Variants in DOCK11 observed in about 807,000 individuals in gnomAD.
DOCK11 encodes dedicator of cytokinesis 11.
Under a neutral mutation model 169.1 loss-of-function variants are expected in DOCK11, and 70 were observed. The observed-to-expected ratio is 0.41, with a 90% CI of 0.34 to 0.51. The LOEUF (loss-of-function observed/expected upper bound fraction) is 0.51. Ranked by LOEUF, DOCK11 falls within the 20% of genes least tolerant of loss-of-function variation. The probability of loss-of-function intolerance (pLI) is 0.10; values close to 1 mark genes in which losing one functional copy is unlikely to be tolerated. For missense variants in DOCK11, 1,166 were observed against 1,538.8 expected, an observed-to-expected ratio of 0.76 and a Z score of 4.05; for synonymous variants, 529 against 541.3, an observed-to-expected ratio of 0.98 and a Z score of 0.32.
At chrX:118,540,782 A>T (rs1161969371) in intron 1 of DOCK11, among the ~76,000 whole-genome samples, 4 of 112,135 alleles carry the variant, frequency 3.6e-5, no homozygotes, top group Non-Finnish European at 5.6e-5. Flanking sequence ...GATACTAGAG[A>T]CTACCTCAAA....
At chrX:118,496,157 G>T (rs2057535215) in intron 1 of DOCK11, 84 bp downstream of exon 1, 1 of 670,968 alleles carries the variant, frequency 1.5e-6, no homozygotes, top group Non-Finnish European at 1.9e-6. Flanking sequence ...GCGCCAGTGC[G>T]GCCGCTTGGT....
chrX:118,554,798 A>G (rs2012625729), intron 6 of DOCK11, among the ~76,000 whole-genome samples: 1 of 111,233 alleles, frequency 9.0e-6, no homozygotes, highest in African/African-American at 3.3e-5. Flanking sequence ...TGGGAGATGA[A>G]GTTGATTTGG....
intron 37 of DOCK11, 152 bp from the exon 38 acceptor site, chrX:118,639,283 A>G (rs2015463918): frequency 1.4e-5 from 7 of 514,606 alleles, no homozygotes; most frequent in Non-Finnish European, 2.1e-5. Context: ...AAGATACATT[A>G]AAACTTCATC....
rs149752909 is a variant in DOCK11, at chrX:118,605,272, A to G, written c.2597A>G (p.Gln866Arg). 8,148 of 1,195,306 alleles carry G rather than the reference A, an allele frequency of 6.8e-3. 27 individuals are homozygous for G. The highest frequency in any genetic ancestry group is 7.9e-3 in the Non-Finnish European group (7,000 of 889,132). Residue 866 changes from glutamine (Q) to arginine (R), a missense_variant, in exon 24 of 53, where the codon CAG (glutamine) becomes CGG (arginine). By Grantham distance (43) the Gln-to-Arg change is conservative. Coordinates refer to ENST00000276202, the MANE Select transcript of DOCK11 (RefSeq NM_144658.4). ...LHAMEIQVMI[Q>R]FLPVILMQLF... ...GCCATGGAGATCCAAGTCATGATAC[A>G]GTTTCTACCTGTAATTCTTATGCAA... is the stretch of plus-strand genomic sequence containing the variant.
At chrX:118,532,047 G>T (rs962253769) in intron 1 of DOCK11, among the ~76,000 whole-genome samples, 4 of 109,417 alleles carry the variant, frequency 3.7e-5, no homozygotes, top group African/African-American at 1.3e-4. Context: ...GAAGGGAATT[G>T]GCTTAAAGAA....
intron 36 of DOCK11, among the ~76,000 whole-genome samples, chrX:118,637,577 T>C (rs1392358447): frequency 9.0e-6 from 1 of 110,501 alleles, no homozygotes; most frequent in Non-Finnish European, 1.9e-5. Flanking sequence ...CTGGGCAACA[T>C]AGTGAGACCT....
At chrX:118,640,383 A>C (rs770181173) in intron 38 of DOCK11, among the ~76,000 whole-genome samples, 2 of 112,606 alleles carry the variant, frequency 1.8e-5, no homozygotes, top group African/African-American at 6.4e-5. Flanking sequence ...TAATAGACTC[A>C]GGACCTTTAA....
At chrX:118,500,373 G>C (rs968685240) in intron 1 of DOCK11, among the ~76,000 whole-genome samples, 9 of 111,240 alleles carry the variant, frequency 8.1e-5, no homozygotes, top group African/African-American at 2.9e-4. Context: ...CATGCCAAAT[G>C]CTTGTTTATT....
intron 1 of DOCK11, among the ~76,000 whole-genome samples, chrX:118,519,544 A>G (rs1393457821): frequency 8.9e-6 from 1 of 111,909 alleles, no homozygotes; most frequent in African/African-American, 3.2e-5. Context: ...GTCTCAAAAC[A>G]GAAAAGAAAT....
chrX:118,647,609 T>C (rs1167437097), intron 40 of DOCK11, among the ~76,000 whole-genome samples: 2 of 65,390 alleles, frequency 3.1e-5, no homozygotes, highest in Non-Finnish European at 5.2e-5. Context: ...AATATATAAA[T>C]ATAATATATA....
chrX:118,676,000 C>CA lies in DOCK11; in HGVS notation c.5270dup (p.Arg1758GlufsTer18). ...ACAAAAATTCTGGAAGTTATGCATA[C>CA]AAAAAAGAGACTTTTAGGCACTTTC... On this transcript the variant is annotated frameshift_variant, in exon 47 of 53. Transcript: ENST00000276202. LOFTEE classifies it high-confidence loss of function. The CA allele has an allele frequency of 8.3e-7, 1 of 1,202,254 alleles. No individual in the cohort carries two copies. The highest frequency in any genetic ancestry group is 1.1e-6 in the Non-Finnish European group (1 of 891,941).
chrX:118,680,469 T>C lies in DOCK11; in HGVS notation c.5461-13T>C. The C allele has an allele frequency of 1.0e-6, 1 of 966,575 alleles. No individual in the cohort carries two copies. Among genetic ancestry groups the C allele is most frequent in the South Asian group, 3.6e-5 (1 of 27,737 alleles). 79.7% of individuals were successfully genotyped at this position (966,575 alleles called of 1,213,427 possible). ...AAATAAAATAAATAAATAAAAACTTTCTTATTTTATAGGTAAATGCCAAAG... is the reference window on the plus strand; with the variant it reads ...AAATAAAATAAATAAATAAAAACTTCCTTATTTTATAGGTAAATGCCAAAG... On this transcript the variant is annotated splice_polypyrimidine_tract_variant and intron_variant, in intron 48 of 52. Coordinates refer to ENST00000276202, the MANE Select transcript of DOCK11 (RefSeq NM_144658.4).
intron 46 of DOCK11, among the ~76,000 whole-genome samples, chrX:118,675,683 T>C (rs949614119): frequency 1.1e-4 from 12 of 109,635 alleles, no homozygotes; most frequent in Non-Finnish European, 1.1e-4. Context: ...TCTGCACATG[T>C]ATCCCCCCTT....
At chrX:118,655,930 A>G (rs192661739) in intron 44 of DOCK11, among the ~76,000 whole-genome samples, 136 of 112,045 alleles carry the variant, frequency 1.2e-3, no homozygotes, top group African/African-American at 3.9e-3. Context: ...CTGTATATCT[A>G]TCATTTCACA....
rs181373954 is a variant in DOCK11, at chrX:118,586,251, C to T, written c.1795+1134C>T. Among the ~76,000 whole-genome samples the T allele has an allele frequency of 9.0e-5, 10 of 111,337 alleles. No homozygotes were observed. In the East Asian group the frequency reaches 2.3e-3, roughly 25 times the overall value. On this transcript the variant is annotated intron_variant, in intron 16 of 52. Transcript: ENST00000276202. ...GAGTTGTATTACTCCGTTTTTCACACGGCTATAAAGATACTACCCAAGACT... is the reference window on the plus strand; with the variant it reads ...GAGTTGTATTACTCCGTTTTTCACATGGCTATAAAGATACTACCCAAGACT...
At chrX:118,514,425 G>A (rs951708454) in intron 1 of DOCK11, among the ~76,000 whole-genome samples, 6 of 111,359 alleles carry the variant, frequency 5.4e-5, no homozygotes, top group African/African-American at 2.0e-4. Flanking sequence ...AAAAGTTATT[G>A]TCTTGAAATA....
At chrX:118,528,403 G>A (rs1017382969) in intron 1 of DOCK11, among the ~76,000 whole-genome samples, 3 of 112,074 alleles carry the variant, frequency 2.7e-5, no homozygotes, top group African/African-American at 9.7e-5. Flanking sequence ...AAAATGACAA[G>A]GGGTGGTGGG....
intron 41 of DOCK11, among the ~76,000 whole-genome samples, chrX:118,651,643 T>C (rs2015949433): frequency 1.8e-5 from 2 of 112,183 alleles, no homozygotes; most frequent in Admixed American, 1.9e-4. Flanking sequence ...CTAGAAAGCA[T>C]ATTTAAAATG....
chrX:118,626,257 C>T (rs1473121247), intron 32 of DOCK11, among the ~76,000 whole-genome samples: 12 of 106,373 alleles, frequency 1.1e-4, no homozygotes, highest in African/African-American at 4.1e-4. Context: ...TTAGTAGAGA[C>T]GGGGGGTTTC....
Sources: allele counts gnomAD v4.1 joint callset (sites outside exome capture counted in the v4.1 genomes callset), GRCh38; gene constraint gnomAD v4.1.1; transcripts MANE v1.5; gene names NCBI Gene and HGNC (gene_info 2026-07-23, HGNC 2026-07-21).